MAGI2: variants seen among roughly 807,000 people sequenced by gnomAD.
MAGI2 encodes the protein membrane associated guanylate kinase, WW and PDZ domain containing 2, also known as membrane-associated guanylate kinase, WW and PDZ domain-containing protein 2.
A neutral mutation model predicts 133.3 loss-of-function variants in MAGI2; 35 were observed. That is an observed-to-expected ratio of 0.26 (90% CI 0.20 to 0.35). The LOEUF (loss-of-function observed/expected upper bound fraction) is 0.35. Ranked by LOEUF, MAGI2 falls within the 10% of genes least tolerant of loss-of-function variation. The probability of loss-of-function intolerance (pLI) is 1.00; values close to 1 mark genes in which losing one functional copy is unlikely to be tolerated. For missense variants in MAGI2, 1,636 were observed against 1,863.4 expected (o/e 0.88, Z 2.25); for synonymous variants, 729 against 710.6 (o/e 1.03, Z -0.41).
intron 3 of MAGI2, among the ~76,000 whole-genome samples, chr7:78,547,729 GGAGGAAACTGGAGTATCCA>G (rs1798979486): frequency 6.6e-6 from 1 of 152,198 alleles, no homozygotes; most frequent in African/African-American, 2.4e-5. Context: ...TTGCAATGTG[GGAGGAAACTGGAGTATCCA>G]GAGAAAACCC....
At chr7:79,057,331 C>G (rs989575342) in intron 1 of MAGI2, among the ~76,000 whole-genome samples, 4 of 152,076 alleles carry the variant, frequency 2.6e-5, no homozygotes, top group Non-Finnish European at 5.9e-5. Flanking sequence ...TGACCAAGGT[C>G]TCCAAAATGC....
intron 3 of MAGI2, among the ~76,000 whole-genome samples, chr7:78,608,475 A>G (rs1584824644): frequency 6.6e-6 from 1 of 150,734 alleles, no homozygotes; most frequent in African/African-American, 2.5e-5. Context: ...GTGTATGTAT[A>G]TATATATATA....
intron 20 of MAGI2, among the ~76,000 whole-genome samples, chr7:78,112,707 A>G (rs763852865): frequency 2.0e-5 from 3 of 152,226 alleles, no homozygotes; most frequent in Non-Finnish European, 2.9e-5. Context: ...ATATTTACTG[A>G]GTGCCCCAGG....
chr7:78,020,020 C>T (rs905083434), intron 21 of MAGI2, 44 bp from the exon 22 acceptor site: 12 of 1,523,020 alleles, frequency 7.9e-6, no homozygotes, highest in African/African-American at 1.4e-5. Context: ...GCACGCAGGA[C>T]GTCCCCGTGC....
At position 78,632,501 on chromosome 7, in the gene MAGI2, T is replaced by A. The variant is rs530994772; in HGVS notation, c.419-5262A>T. Among the ~76,000 whole-genome samples, 10 of 152,278 alleles carry A rather than the reference T, an allele frequency of 6.6e-5. No homozygotes were observed. The South Asian group carries it at 2.1e-3, about 32-fold the overall frequency. On this transcript the variant is annotated intron_variant, in intron 2 of 21. Transcript: ENST00000354212. ...GAGACTGCTGGAAGTCAACAGGGGATCCAGAAAGAGCCTGGTTATATTTTA... is the reference window on the plus strand; with the variant it reads ...GAGACTGCTGGAAGTCAACAGGGGAACCAGAAAGAGCCTGGTTATATTTTA...
At chr7:79,176,722 G>A (rs187735286) in intron 1 of MAGI2, among the ~76,000 whole-genome samples, 49 of 151,996 alleles carry the variant, frequency 3.2e-4, no homozygotes, top group African/African-American at 9.7e-4. Flanking sequence ...ATAAAACACC[G>A]TGATCTGAGT....
At chr7:78,155,342 A>G (rs558041864) in intron 16 of MAGI2, among the ~76,000 whole-genome samples, 5 of 152,328 alleles carry the variant, frequency 3.3e-5, no homozygotes, top group South Asian at 2.1e-4. Context: ...GGCTGGGCAC[A>G]GTAGCTCATG....
chr7:79,212,945 G>A (rs1372193085), intron 1 of MAGI2, among the ~76,000 whole-genome samples: 1 of 151,944 alleles, frequency 6.6e-6, no homozygotes, highest in Admixed American at 6.6e-5. Context: ...TGGATGGGAT[G>A]CTTCCTTAAC....
chr7:79,041,646 A>G (rs1265766601), intron 1 of MAGI2, among the ~76,000 whole-genome samples: 1 of 152,178 alleles, frequency 6.6e-6, no homozygotes. Flanking sequence ...GCCTAGATAT[A>G]GATATTTCAT....
At chr7:78,516,644 C>T (rs770664059) in intron 4 of MAGI2, among the ~76,000 whole-genome samples, 7 of 152,144 alleles carry the variant, frequency 4.6e-5, no homozygotes, top group Admixed American at 1.3e-4. Context: ...TGAGTCATCA[C>T]GCCCTGCCAT....
chr7:78,527,029 A>AG (rs71517023), intron 3 of MAGI2, among the ~76,000 whole-genome samples: 5,831 of 120,988 alleles, frequency 0.048, 40 homozygotes, highest in Non-Finnish European at 0.069. Context: ...AAAAAAAAAA[A>AG]AAAAAGAAAA....
intron 1 of MAGI2, among the ~76,000 whole-genome samples, chr7:79,284,761 C>T (rs1019170278): frequency 6.6e-6 from 1 of 152,048 alleles, no homozygotes; most frequent in Non-Finnish European, 1.5e-5. Flanking sequence ...CATTTGCATA[C>T]ATACAAACAT....
intron 1 of MAGI2, among the ~76,000 whole-genome samples, chr7:79,328,503 G>T (rs558570944): frequency 2.6e-4 from 40 of 152,206 alleles, no homozygotes; most frequent in Admixed American, 8.5e-4. Flanking sequence ...TAAGCATAGG[G>T]ATCAAAAGAA....
At chr7:78,050,111 G>GT (rs1811861080) in intron 21 of MAGI2, among the ~76,000 whole-genome samples, 3 of 152,272 alleles carry the variant, frequency 2.0e-5, no homozygotes, top group African/African-American at 7.2e-5. Context: ...AATTCACCTG[G>GT]TAGATGGTCC....
At chr7:78,336,975 C>T (rs187610471) in intron 9 of MAGI2, among the ~76,000 whole-genome samples, 1 of 152,238 alleles carries the variant, frequency 6.6e-6, no homozygotes. Flanking sequence ...AATAGGTTAG[C>T]TCTCTTCTCT....
chr7:78,909,589 T>G (rs1198682078), intron 2 of MAGI2, among the ~76,000 whole-genome samples: 1 of 112,568 alleles, frequency 8.9e-6, no homozygotes, highest in East Asian at 2.5e-4. Flanking sequence ...GGCTACAGAG[T>G]GAGACTCCAT....
At chr7:78,315,478 A>G (rs149382360) in intron 9 of MAGI2, among the ~76,000 whole-genome samples, 3 of 152,256 alleles carry the variant, frequency 2.0e-5, no homozygotes, top group Admixed American at 2.0e-4. Context: ...TCTTCCTTGG[A>G]GGGTTTTAAA....
At chr7:78,879,032 T>C (rs1448688294) in intron 2 of MAGI2, among the ~76,000 whole-genome samples, 4 of 152,146 alleles carry the variant, frequency 2.6e-5, no homozygotes, top group Admixed American at 6.6e-5. Context: ...CTTCAGGCAT[T>C]TGAAGCATCC....
rs1192007261 is a variant in MAGI2 at position 79,167,745 on chromosome 7, A to T, written c.302-160539T>A. Among the ~76,000 whole-genome samples, 12 of 152,184 alleles carry T rather than the reference A, an allele frequency of 7.9e-5. 1 individual carries two copies. In the South Asian group the frequency reaches 2.5e-3, roughly 32 times the overall value. On this transcript the variant is annotated intron_variant, in intron 1 of 21. Transcript: ENST00000354212. Reference sequence around the variant, plus strand: ...TTAAAACATAAAGTTTAAATCATACAATGATTACATTTATGCCCACCACTG... The same window carrying T: ...TTAAAACATAAAGTTTAAATCATACTATGATTACATTTATGCCCACCACTG...
Sources: allele counts gnomAD v4.1 joint callset (sites outside exome capture counted in the v4.1 genomes callset), GRCh38; gene constraint gnomAD v4.1.1; transcripts MANE v1.5; gene names NCBI Gene and HGNC (gene_info 2026-07-23, HGNC 2026-07-21).